The following PTPRT variants were observed in gnomAD, a reference collection of about 807,000 sequenced individuals.
The protein encoded by PTPRT is receptor-type tyrosine-protein phosphatase T.
PTPRT carries 56 observed loss-of-function variants against 176.8 expected under a neutral mutation model. The observed-to-expected ratio is 0.32, with a 90% CI of 0.26 to 0.40. The LOEUF (loss-of-function observed/expected upper bound fraction) is 0.40, where lower values mean the gene tolerates loss of function less well. Ranked by LOEUF, PTPRT falls within the 10% of genes least tolerant of loss-of-function variation. The probability of loss-of-function intolerance (pLI) is 1.00; values close to 1 mark genes in which losing one functional copy is unlikely to be tolerated. For synonymous variants in PTPRT, 783 were observed against 739.0 expected, an observed-to-expected ratio of 1.06 and a Z score of -0.96; for missense variants, 1,540 against 1,908.2, an observed-to-expected ratio of 0.81 and a Z score of 3.60.
intron 1 of PTPRT, among the ~76,000 whole-genome samples, chr20:43,026,403 A>G (rs1985915172): frequency 6.6e-6 from 1 of 152,174 alleles, no homozygotes; most frequent in Admixed American, 6.5e-5. Context: ...AGTGTTAGCC[A>G]CCGAAGCCCA....
intron 9 of PTPRT, among the ~76,000 whole-genome samples, chr20:42,435,745 A>G (rs933029465): frequency 3.3e-5 from 5 of 152,246 alleles, no homozygotes; most frequent in African/African-American, 1.2e-4. Context: ...ATTCTAATAA[A>G]AACAACAGAT....
chr20:42,096,269 C>T (rs1033384471), intron 27 of PTPRT, among the ~76,000 whole-genome samples: 1 of 151,194 alleles, frequency 6.6e-6, no homozygotes, highest in African/African-American at 2.4e-5. Flanking sequence ...TCTTTTTATT[C>T]TTACCCTTTT....
intron 19 of PTPRT, among the ~76,000 whole-genome samples, chr20:42,125,090 T>C (rs1398480737): frequency 6.6e-6 from 1 of 152,172 alleles, no homozygotes; most frequent in African/African-American, 2.4e-5. Context: ...CTCTCATAGC[T>C]ACTCTCTTCC....
chr20:42,635,240 CAAAT>C (rs58166496), intron 7 of PTPRT, among the ~76,000 whole-genome samples: 19,514 of 151,684 alleles, frequency 0.13, 4,048 homozygotes, highest in African/African-American at 0.44. Flanking sequence ...ACATTGAAAA[CAAAT>C]GAATGTGTCC....
intron 9 of PTPRT, among the ~76,000 whole-genome samples, chr20:42,371,226 C>A (rs1233520463): frequency 6.6e-6 from 1 of 152,194 alleles, no homozygotes; most frequent in Non-Finnish European, 1.5e-5. Context: ...GGATCTGTAC[C>A]ACTGGTCGGT....
Position 42,353,361 on chromosome 20 carries a change from T to C in PTPRT, c.1561-1076A>G, listed in dbSNP as rs77887501. On this transcript the variant is annotated intron_variant, in intron 9 of 30. Transcript: ENST00000373187. ...GGCATCAGGATAGCTACTCTCATTT[T>C]AATAATGGAGAAACTGAGGTGCCAA... is the stretch of plus-strand genomic sequence containing the variant. 6.9e-3 allele frequency among the ~76,000 whole-genome samples: 1,052 copies of C among 152,348 alleles called. 6 individuals are homozygous for C. The highest frequency in any genetic ancestry group is 0.023 in the African/African-American group (956 of 41,568).
intron 1 of PTPRT, among the ~76,000 whole-genome samples, chr20:43,067,818 T>C (rs1292448939): frequency 3.4e-5 from 5 of 148,504 alleles, no homozygotes; most frequent in African/African-American, 1.3e-4. Context: ...TTTTAAAAAA[T>C]AGCTGGGTAT....
At chr20:43,156,655 C>T (rs2014531508) in intron 1 of PTPRT, among the ~76,000 whole-genome samples, 1 of 152,200 alleles carries the variant, frequency 6.6e-6, no homozygotes, top group Non-Finnish European at 1.5e-5. Flanking sequence ...ATGGTTGGAT[C>T]AAACCCAATG....
chr20:43,154,528 T>C (rs1206910399), intron 1 of PTPRT, among the ~76,000 whole-genome samples: 2 of 152,210 alleles, frequency 1.3e-5, no homozygotes, highest in Non-Finnish European at 2.9e-5. Context: ...AAACAAATTT[T>C]AGGAGTGTTT....
chr20:42,891,050 C>A (rs1180321968), intron 1 of PTPRT, among the ~76,000 whole-genome samples: 3 of 152,212 alleles, frequency 2.0e-5, no homozygotes, highest in East Asian at 1.9e-4. Context: ...CCACATGGAA[C>A]TGTGAATCCA....
intron 1 of PTPRT, among the ~76,000 whole-genome samples, chr20:42,998,344 A>C (rs1568725269): frequency 6.6e-6 from 1 of 152,190 alleles, no homozygotes; most frequent in African/African-American, 2.4e-5. Context: ...ACCTTTCTTA[A>C]TATGATTCTG....
chr20:42,982,109 G>C (rs959846483), intron 1 of PTPRT, among the ~76,000 whole-genome samples: 1 of 152,204 alleles, frequency 6.6e-6, no homozygotes, highest in Non-Finnish European at 1.5e-5. Context: ...TTTTGGCTCA[G>C]GCACCCTTGG....
At chr20:42,641,406 G>C (rs921193145) in intron 7 of PTPRT, among the ~76,000 whole-genome samples, 30 of 152,214 alleles carry the variant, frequency 2.0e-4, no homozygotes, top group African/African-American at 7.2e-4. Flanking sequence ...AAGAATTATA[G>C]GTCTGCAAGA....
At chr20:42,326,952 T>TAA (rs796232217) in intron 11 of PTPRT, among the ~76,000 whole-genome samples, 3 of 134,884 alleles carry the variant, frequency 2.2e-5, no homozygotes, top group Admixed American at 7.5e-5. Flanking sequence ...GTTAAGAACT[T>TAA]AAAAAAAAAA....
chr20:42,312,097 T>G (rs1183555760), intron 12 of PTPRT, among the ~76,000 whole-genome samples: 1 of 152,358 alleles, frequency 6.6e-6, no homozygotes, highest in South Asian at 2.1e-4. Context: ...TGTAACACAC[T>G]TAGAGCCATT....
intron 7 of PTPRT, among the ~76,000 whole-genome samples, chr20:42,568,276 T>C (rs144527712): frequency 7.5e-4 from 114 of 152,216 alleles, no homozygotes; most frequent in African/African-American, 2.4e-3. Flanking sequence ...TGAGTTTGCG[T>C]TTCTTGAATG....
chr20:42,466,560 G>T (rs1385488947), intron 8 of PTPRT, among the ~76,000 whole-genome samples: 1 of 152,130 alleles, frequency 6.6e-6, no homozygotes, highest in Non-Finnish European at 1.5e-5. Context: ...GATTGGTGTT[G>T]TAATTCTGAA....
intron 1 of PTPRT, among the ~76,000 whole-genome samples, chr20:42,923,107 C>T (rs934554803): frequency 1.3e-5 from 2 of 152,146 alleles, no homozygotes; most frequent in Non-Finnish European, 2.9e-5. Context: ...CCTGCTGGTG[C>T]CAATTCATAC....
intron 5 of PTPRT, among the ~76,000 whole-genome samples, chr20:42,767,262 G>A (rs965136393): frequency 6.6e-6 from 1 of 152,166 alleles, no homozygotes; most frequent in African/African-American, 2.4e-5. Flanking sequence ...TGGATGAGAT[G>A]AGCATTTGAA....
Sources: gnomAD v4.1 joint callset for allele counts (sites outside exome capture counted in the v4.1 genomes callset) on GRCh38, gnomAD v4.1.1 for gene constraint, MANE v1.5 for transcripts, NCBI Gene and HGNC (gene_info 2026-07-23, HGNC 2026-07-21) for gene names.